The following ZNF385D variants were observed in gnomAD, a reference collection of about 807,000 sequenced individuals.
ZNF385D encodes zinc finger protein 659.
In ZNF385D, 15 loss-of-function variants were observed where a neutral mutation model predicts 35.8. The observed-to-expected ratio is 0.42, with a 90% CI of 0.28 to 0.64. The LOEUF is 0.64. Ranked by LOEUF, ZNF385D falls within the 30% of genes least tolerant of loss-of-function variation. The pLI, the probability that ZNF385D is intolerant of heterozygous loss-of-function variation, is 0.23. For missense variants in ZNF385D, 474 were observed against 494.6 expected (o/e 0.96, Z 0.39); for synonymous variants, 212 against 186.8 (o/e 1.13, Z -1.10).
chr3:22,271,581 T>G (rs1224802484), intron 2 of ZNF385D, among the ~76,000 whole-genome samples: 1 of 151,924 alleles, frequency 6.6e-6, no homozygotes, highest in African/African-American at 2.4e-5. Context: ...TACCCTTAAG[T>G]TGATCCCAGC....
chr3:21,864,204 T>C (rs1697209306), intron 3 of ZNF385D, among the ~76,000 whole-genome samples: 1 of 152,144 alleles, frequency 6.6e-6, no homozygotes. Flanking sequence ...CTGAGTTCAC[T>C]ACCTGAGATA....
At chr3:22,281,655 G>A (rs960635091) in intron 2 of ZNF385D, among the ~76,000 whole-genome samples, 3 of 149,786 alleles carry the variant, frequency 2.0e-5, no homozygotes, top group Non-Finnish European at 3.0e-5. Flanking sequence ...TTTTTTTTTT[G>A]AGGACTTTTG....
intron 3 of ZNF385D, among the ~76,000 whole-genome samples, chr3:21,512,263 G>T (rs1707273147): frequency 6.6e-6 from 1 of 151,928 alleles, no homozygotes; most frequent in African/African-American, 2.4e-5. Context: ...GTAGGGTAAG[G>T]GTGACCAGGA....
At chr3:22,112,272 C>G (rs1702575001) in intron 3 of ZNF385D, among the ~76,000 whole-genome samples, 1 of 152,098 alleles carries the variant, frequency 6.6e-6, no homozygotes, top group African/African-American at 2.4e-5. Context: ...AGAATAATTT[C>G]TGAATCTCAT....
intron 3 of ZNF385D, among the ~76,000 whole-genome samples, chr3:22,105,408 C>T (rs1576328436): frequency 6.6e-6 from 1 of 150,914 alleles, no homozygotes; most frequent in Non-Finnish European, 1.5e-5. Context: ...TATATAAATA[C>T]ATATATACAT....
chr3:21,959,186 T>G (rs955701708), intron 3 of ZNF385D, among the ~76,000 whole-genome samples: 6 of 152,222 alleles, frequency 3.9e-5, no homozygotes, highest in Non-Finnish European at 4.4e-5. Flanking sequence ...TGTGAGAATC[T>G]TGTGCTTTTC....
chr3:22,355,920 T>C (rs1348497305), intron 2 of ZNF385D, among the ~76,000 whole-genome samples: 1 of 152,018 alleles, frequency 6.6e-6, no homozygotes, highest in Non-Finnish European at 1.5e-5. Context: ...AAAAGCTGTG[T>C]TACAGCAAAT....
At position 21,509,398 on chromosome 3, in the gene ZNF385D, C is replaced by G. The variant is rs539403022; in HGVS notation, c.439+1463G>C. Among the ~76,000 whole-genome samples the G allele has an allele frequency of 2.0e-4, 31 of 152,292 alleles. 1 individual carries two copies. In the South Asian group the frequency reaches 6.2e-3, roughly 31 times the overall value. On this transcript the variant is annotated intron_variant, in intron 4 of 7. Transcript: ENST00000281523. ...ACCCAATATCCGGGAGCAGAAATTA[C>G]ACTTACCTGCTTCATTACCACTCAT...
chr3:21,845,412 CTCT>C (rs1229751798), intron 3 of ZNF385D, among the ~76,000 whole-genome samples: 2 of 151,978 alleles, frequency 1.3e-5, no homozygotes, highest in Non-Finnish European at 2.9e-5. Context: ...TATTTTCTCT[CTCT>C]TCTTCTCCTT....
intron 4 of ZNF385D, among the ~76,000 whole-genome samples, chr3:21,475,031 T>A (rs1032943836): frequency 3.3e-5 from 5 of 152,060 alleles, no homozygotes; most frequent in African/African-American, 1.2e-4. Flanking sequence ...TTTCATATAG[T>A]TTATAGAGTG....
chr3:22,188,124 A>T (rs760546766), intron 2 of ZNF385D, among the ~76,000 whole-genome samples: 5 of 152,156 alleles, frequency 3.3e-5, no homozygotes, highest in Non-Finnish European at 7.3e-5. Context: ...AGAGGCAGAA[A>T]CCTAATTTTC....
At chr3:22,045,243 T>G (rs1028923187) in intron 3 of ZNF385D, among the ~76,000 whole-genome samples, 2 of 152,156 alleles carry the variant, frequency 1.3e-5, no homozygotes, top group African/African-American at 2.4e-5. Flanking sequence ...ATTTAAGTCT[T>G]TGATCCATTT....
intron 3 of ZNF385D, among the ~76,000 whole-genome samples, chr3:22,063,767 G>A (rs148748068): frequency 7.6e-4 from 115 of 152,230 alleles, no homozygotes; most frequent in African/African-American, 2.7e-3. Context: ...CCCCTGGGCA[G>A]CCTGTATACC....
At chr3:21,497,537 TA>T (rs1181948925) in intron 4 of ZNF385D, among the ~76,000 whole-genome samples, 2 of 152,084 alleles carry the variant, frequency 1.3e-5, no homozygotes, top group African/African-American at 2.4e-5. Context: ...CAGAATTATT[TA>T]AAAAAATTTT....
intron 1 of ZNF385D, among the ~76,000 whole-genome samples, chr3:21,705,180 C>A (rs2067851538): frequency 6.6e-6 from 1 of 152,086 alleles, no homozygotes; most frequent in East Asian, 1.9e-4. Context: ...TTGTATGAAC[C>A]AAATGAAATA....
chr3:21,535,921 T>A (rs893049987), intron 3 of ZNF385D, among the ~76,000 whole-genome samples: 33 of 151,966 alleles, frequency 2.2e-4, no homozygotes, highest in African/African-American at 8.0e-4. Context: ...TACGACTAAT[T>A]TGCATGAGTC....
intron 3 of ZNF385D, among the ~76,000 whole-genome samples, chr3:21,788,886 C>G (rs984930770): frequency 6.6e-6 from 1 of 152,138 alleles, no homozygotes; most frequent in African/African-American, 2.4e-5. Flanking sequence ...GCTATAACAG[C>G]TGCACAGAAA....
intron 3 of ZNF385D, among the ~76,000 whole-genome samples, chr3:22,098,694 C>T (rs1701765262): frequency 1.3e-5 from 2 of 151,984 alleles, no homozygotes; most frequent in African/African-American, 4.8e-5. Context: ...GAAGAAATGT[C>T]ACATGATAAG....
At chr3:21,737,388 T>C (rs1211425735) in intron 1 of ZNF385D, among the ~76,000 whole-genome samples, 4 of 152,132 alleles carry the variant, frequency 2.6e-5, no homozygotes, top group South Asian at 2.1e-4. Context: ...AGAATCAGTA[T>C]ACGATACATA....
Sources: allele counts gnomAD v4.1 joint callset (sites outside exome capture counted in the v4.1 genomes callset), GRCh38; gene constraint gnomAD v4.1.1; transcripts MANE v1.5; gene names NCBI Gene and HGNC (gene_info 2026-07-23, HGNC 2026-07-21).